Variants in EDRF1 observed in about 807,000 individuals in gnomAD.
EDRF1 encodes the protein erythroid differentiation-related factor 1.
In EDRF1, 69 loss-of-function variants were observed where a neutral mutation model predicts 148.7. The observed-to-expected ratio is 0.46, with a 90% CI of 0.38 to 0.57. The LOEUF (loss-of-function observed/expected upper bound fraction) is 0.57, where lower values mean the gene tolerates loss of function less well. EDRF1 is among the 20% of genes least tolerant of loss of function. The probability of loss-of-function intolerance (pLI) is 0.00; values close to 1 mark genes in which losing one functional copy is unlikely to be tolerated. For missense variants in EDRF1, 1,118 were observed against 1,478.7 expected (o/e 0.76, Z 4.00); for synonymous variants, 515 against 532.8 (o/e 0.97, Z 0.46).
intron 9 of EDRF1, 106 bp from the exon 10 acceptor site, chr10:125,733,298 A>G: frequency 3.6e-6 from 3 of 844,166 alleles, no homozygotes; most frequent in Non-Finnish European, 5.6e-6. Flanking sequence ...CATGCTACAT[A>G]GGTCTCTGTT....
intron 21 of EDRF1, chr10:125,749,209 T>C: frequency 1.7e-6 from 1 of 573,994 alleles, no homozygotes. Flanking sequence ...ATTGCACCAC[T>C]GCATCTCCAG....
chr10:125,735,565 A>G, intron 12 of EDRF1, 79 bp from the exon 13 acceptor site: 4 of 1,453,180 alleles, frequency 2.8e-6, no homozygotes, highest in African/African-American at 1.4e-5. Flanking sequence ...ACCTCCTCCT[A>G]AAATTCGTTA....
intron 21 of EDRF1, 23 bp downstream of exon 21, chr10:125,748,035 AC>A: frequency 6.2e-7 from 1 of 1,613,700 alleles, no homozygotes; most frequent in Non-Finnish European, 8.5e-7. Flanking sequence ...CAAGTTAAGT[AC>A]AGTGCCACAT....
chr10:125,746,756 CAT>C (rs1190464096), intron 19 of EDRF1: 3 of 152,154 alleles, frequency 2.0e-5, no homozygotes, highest in Non-Finnish European at 2.9e-5. Context: ...CTCATTTTGG[CAT>C]TATAATATTT....
At chr10:125,750,151 A>G (rs1849566652) in intron 22 of EDRF1, among the ~76,000 whole-genome samples, 1 of 151,928 alleles carries the variant, frequency 6.6e-6, no homozygotes, top group African/African-American at 2.4e-5. Flanking sequence ...AAAAAACAAA[A>G]ACAAACAAAA....
Position 125,760,629 on chromosome 10 carries a change from A to G in EDRF1, c.3546-2672A>G, listed in dbSNP as rs1279445099. Among the ~76,000 whole-genome samples, 7 of 152,366 alleles carry G rather than the reference A, an allele frequency of 4.6e-5. No homozygotes were observed. The East Asian group carries it at 5.8e-4, about 13-fold the overall frequency. ...CACTGATGTGCAAATGAAAACATCT[A>G]TAATTTTATTGTTAAGAGGAAAATA... On this transcript the variant is annotated intron_variant, in intron 24 of 24. Coordinates refer to ENST00000356792, the MANE Select transcript of EDRF1 (RefSeq NM_001202438.2).
At chr10:125,742,382 G>A in intron 17 of EDRF1, 1 of 1,177,766 alleles carries the variant, frequency 8.5e-7, no homozygotes, top group Non-Finnish European at 1.1e-6. Context: ...GTTTTATTAT[G>A]CTCTTAAATT....
chr10:125,740,894 C>T, intron 16 of EDRF1, 107 bp from the exon 17 acceptor site: 1 of 1,229,240 alleles, frequency 8.1e-7, no homozygotes, highest in South Asian at 1.2e-5. Context: ...AGAATAGATA[C>T]AGTGCTACAA....
At position 125,749,524 on chromosome 10, in the gene EDRF1, T is replaced by C. The variant is rs1849538385; in HGVS notation, c.3236T>C (p.Val1079Ala). Residue 1079 changes from valine to alanine, a missense_variant, in exon 22 of 25, where the codon GTA (valine) becomes GCA (alanine). Transcript: ENST00000356792. ...LKDAPCELLR[V>A]QLERVAFAEF... The stretch of plus-strand genomic sequence containing the variant: ...GATGCTCCCTGCGAACTGCTTAGAG[T>C]ACAGCTAGAGAGAGTAGCATTTGCT... 1 of 1,614,034 alleles carries C rather than the reference T, an allele frequency of 6.2e-7. No homozygotes were observed.
chr10:125,760,590 A>G (rs902736004), intron 24 of EDRF1, among the ~76,000 whole-genome samples: 3 of 152,380 alleles, frequency 2.0e-5, no homozygotes, highest in African/African-American at 7.2e-5. Flanking sequence ...TAAGTCAGTG[A>G]CTATTTCATT....
At position 125,733,671 on chromosome 10, in the gene EDRF1, C is replaced by T; in HGVS notation, c.1313C>T (p.Thr438Ile). The stretch of plus-strand genomic sequence containing the variant: ...GATATAGTGAAGCTCTATGACCTCA[C>T]TACTCTTTGTGAAGAAACTGAAGAC... ...GSDIVKLYDL[T>I]TLCEETEDKY... Residue 438 changes from threonine (T) to isoleucine (I), a missense_variant, in exon 11 of 25, where the codon ACT (threonine) becomes ATT (isoleucine). Physicochemically the swap from Thr to Ile is moderately conservative, Grantham distance 89. Coordinates refer to ENST00000356792, the MANE Select transcript of EDRF1 (RefSeq NM_001202438.2). 6.2e-7 allele frequency: 1 copy of T among 1,613,608 alleles called. No individual in the cohort carries two copies.
Position 125,737,990 on chromosome 10 carries a change from G to A in EDRF1, c.1830+1G>A. On this transcript the variant is annotated splice_donor_variant, in intron 14 of 24. Transcript: ENST00000356792. LOFTEE classifies it high-confidence loss of function. ...ACTTGTGCTTAGCTATGTTCTAGAG[G>A]TAAGTTTAAGTTTAGTCTTCACTTT... 1.2e-6 allele frequency: 2 copies of A among 1,613,476 alleles called. No individual in the cohort carries two copies. The highest frequency in any genetic ancestry group is 8.5e-7 in the Non-Finnish European group (1 of 1,179,542).
chr10:125,730,186 G>A (rs1248577467), intron 8 of EDRF1, 102 bp from the exon 9 acceptor site: 1 of 894,656 alleles, frequency 1.1e-6, no homozygotes, highest in African/African-American at 1.7e-5. Flanking sequence ...TTTCTATCTA[G>A]AGAGGACAGC....
chr10:125,741,419 G>A (rs1468739897), intron 17 of EDRF1: 8 of 554,644 alleles, frequency 1.4e-5, no homozygotes, highest in Non-Finnish European at 2.4e-5. Flanking sequence ...CCGGGTTCAA[G>A]CAATTCTCCT....
intron 22 of EDRF1, among the ~76,000 whole-genome samples, chr10:125,750,244 C>T (rs1849572276): frequency 6.6e-6 from 1 of 152,150 alleles, no homozygotes; most frequent in African/African-American, 2.4e-5. Context: ...ACCCCTTAAA[C>T]ATAGAACTGA....
chr10:125,746,510 C>A (rs907893843), intron 19 of EDRF1, among the ~76,000 whole-genome samples: 5 of 152,152 alleles, frequency 3.3e-5, no homozygotes, highest in African/African-American at 1.2e-4. Flanking sequence ...TAACCTTGAA[C>A]AGAAAATGTA....
intron 6 of EDRF1, among the ~76,000 whole-genome samples, chr10:125,727,671 G>A (rs977130037): frequency 1.4e-4 from 22 of 152,306 alleles, no homozygotes; most frequent in Non-Finnish European, 2.4e-4. Flanking sequence ...TGTGCTTATA[G>A]TCACACACTC....
rs750226936 is a variant in EDRF1, at chr10:125,740,609, G to A, written c.2128G>A (p.Gly710Arg). ...SDAAMSLQKY[G>R]RALRYIKLAL... is the part of the protein sequence containing the mutation. ...TGCTGCCATGAGTCTTCAGAAATAC[G>A]GAAGAGCATTACGATACATTAAATT... The change falls in exon 16 of 25, where the codon GGA becomes AGA. Residue 710 changes from glycine to arginine, a missense_variant. Around this residue, in one of 3 missense-constraint regions of EDRF1, gnomAD observed 954 missense variants for 1,241.4 expected, o/e 0.77. Transcript: ENST00000356792. 6.2e-7 allele frequency: 1 copy of A among 1,613,974 alleles called. No individual in the cohort carries two copies. Among genetic ancestry groups the A allele is most frequent in the South Asian group, 1.1e-5 (1 of 91,072 alleles).
At chr10:125,742,369 G>A (rs1156565309) in intron 17 of EDRF1, 1 of 1,202,912 alleles carries the variant, frequency 8.3e-7, no homozygotes, top group African/African-American at 1.6e-5. Context: ...GTCTCATGGG[G>A]TTGTTTTATT....
Sources: gnomAD v4.1 joint callset for allele counts (sites outside exome capture counted in the v4.1 genomes callset) on GRCh38, gnomAD v4.1.1 for gene constraint, gnomAD v4.1.1 regional missense constraint, MANE v1.5 for transcripts, NCBI Gene and HGNC (gene_info 2026-07-23, HGNC 2026-07-21) for gene names.